SORBS2: variants seen among roughly 807,000 people sequenced by gnomAD.
SORBS2 encodes sorbin and SH3 domain containing 2.
In SORBS2, 46 loss-of-function variants were observed where a neutral mutation model predicts 97.7. That is an observed-to-expected ratio of 0.47 (90% CI 0.37 to 0.60). The LOEUF is 0.60. Ranked by LOEUF, SORBS2 falls within the 20% of genes least tolerant of loss-of-function variation. The probability of loss-of-function intolerance (pLI) is 0.00; values close to 1 mark genes in which losing one functional copy is unlikely to be tolerated. For synonymous variants in SORBS2, 476 were observed against 473.4 expected (o/e 1.01, Z -0.07); for missense variants, 1,316 against 1,282.3 (o/e 1.03, Z -0.40).
intron 1 of SORBS2, among the ~76,000 whole-genome samples, chr4:185,823,879 G>C (rs1212851898): frequency 6.6e-6 from 1 of 152,160 alleles, no homozygotes. Flanking sequence ...AAAAGGCCAA[G>C]CAGAGAAGCC....
chr4:185,640,203 A>G (rs1352001614), intron 4 of SORBS2, among the ~76,000 whole-genome samples: 1 of 152,224 alleles, frequency 6.6e-6, no homozygotes, highest in Non-Finnish European at 1.5e-5. Context: ...ATAATTATAA[A>G]GACTGTGTAG....
chr4:185,861,306 C>T (rs12508389), intron 1 of SORBS2, among the ~76,000 whole-genome samples: 8,413 of 129,700 alleles, frequency 0.065, 280 homozygotes, highest in East Asian at 0.13. Context: ...GAATGTCCTT[C>T]GCTGAAAATG....
At position 185,684,096 on chromosome 4, in the gene SORBS2, T is replaced by C. The variant is rs192464109; in HGVS notation, c.-197-5274A>G. On this transcript the variant is annotated intron_variant, in intron 2 of 20. Coordinates refer to the SORBS2 transcript ENST00000284776. This position sits in a 1 kb window ranked among gnomAD's most constrained non-coding sequence, Gnocchi z 4.2. ...TCTGGAGGCACTGGGCTTGCTGGCC[T>C]CCCTTTGACCTTCTAACAGCTGCAC... is the stretch of plus-strand genomic sequence containing the variant. 6.6e-6 allele frequency among the ~76,000 whole-genome samples: 1 copy of C among 152,250 alleles called. No individual in the cohort carries two copies. The highest frequency in any genetic ancestry group is 1.9e-4 in the East Asian group (1 of 5,178).
intron 2 of SORBS2, among the ~76,000 whole-genome samples, chr4:185,687,751 G>A (rs1407687318): frequency 6.6e-6 from 1 of 152,148 alleles, no homozygotes; most frequent in Non-Finnish European, 1.5e-5. Flanking sequence ...CTTTAATAAA[G>A]TTTAATAAAG....
At chr4:185,658,145 A>G (rs1208056140), upstream of SORBS2, among the ~76,000 whole-genome samples, 1 of 152,252 alleles carries the variant, frequency 6.6e-6, no homozygotes, top group Non-Finnish European at 1.5e-5. Context: ...ACTTAAAAAA[A>G]TCTTCACATC....
At chr4:185,781,513 A>G (rs1464722197) in intron 1 of SORBS2, among the ~76,000 whole-genome samples, 1 of 150,520 alleles carries the variant, frequency 6.6e-6, no homozygotes. Context: ...CCTCCCTTCC[A>G]TTGCCTCCCG....
upstream of SORBS2, among the ~76,000 whole-genome samples, chr4:185,658,159 G>A (rs1009748848): frequency 4.6e-5 from 7 of 152,034 alleles, no homozygotes; most frequent in Admixed American, 1.3e-4. Context: ...TCACATCCAA[G>A]CCTTTGGACA....
chr4:185,911,178 C>A (rs1457164411), intron 1 of SORBS2, among the ~76,000 whole-genome samples: 1 of 152,140 alleles, frequency 6.6e-6, no homozygotes, highest in East Asian at 1.9e-4. Flanking sequence ...ATAACATAAA[C>A]TTATCTCATA....
chr4:185,654,564 G>A (rs1279916630), intron 1 of SORBS2, among the ~76,000 whole-genome samples: 2 of 152,256 alleles, frequency 1.3e-5, no homozygotes, highest in East Asian at 1.9e-4. Context: ...TGAGCACAAA[G>A]ATGCCAGAAA....
At chr4:185,660,512 C>T (rs903464972), upstream of SORBS2, among the ~76,000 whole-genome samples, 1 of 152,264 alleles carries the variant, frequency 6.6e-6, no homozygotes, top group Non-Finnish European at 1.5e-5. Flanking sequence ...ATAGCATCAG[C>T]GAAGGCACAG....
intron 1 of SORBS2, among the ~76,000 whole-genome samples, chr4:185,868,512 T>C (rs1454288391): frequency 6.6e-6 from 1 of 152,012 alleles, no homozygotes; most frequent in Non-Finnish European, 1.5e-5. Flanking sequence ...GAAGGAGGGA[T>C]TAGTGCTAGG....
At chr4:185,618,597 G>T in exon 9 of SORBS2, 1 of 1,531,710 alleles carries the variant, frequency 6.5e-7, no homozygotes, top group South Asian at 1.3e-5. Context: ...AGATGTCTGA[G>T]CCTTAAAATC....
At chr4:185,847,959 C>T (rs538317934) in intron 1 of SORBS2, among the ~76,000 whole-genome samples, 1 of 152,258 alleles carries the variant, frequency 6.6e-6, no homozygotes, top group South Asian at 2.1e-4. Context: ...CATGCCGAGT[C>T]GCAGGGCTGA....
At chr4:185,599,335 T>C (rs1369423558) in intron 12 of SORBS2, among the ~76,000 whole-genome samples, 7 of 152,202 alleles carry the variant, frequency 4.6e-5, no homozygotes, top group Non-Finnish European at 7.3e-5. Flanking sequence ...TTAGAATTGA[T>C]AGTAAGTACC....
intron 13 of SORBS2, among the ~76,000 whole-genome samples, chr4:185,592,554 T>TTTTG (rs961046188): frequency 1.1e-4 from 17 of 152,172 alleles, no homozygotes; most frequent in South Asian, 8.3e-4. Context: ...TAAGCGATCT[T>TTTTG]TTTGTTTGTT....
At chr4:185,858,037 C>A (rs2099221603) in intron 1 of SORBS2, among the ~76,000 whole-genome samples, 1 of 152,166 alleles carries the variant, frequency 6.6e-6, no homozygotes, top group Non-Finnish European at 1.5e-5. Flanking sequence ...ACATCCCCTC[C>A]CTTTTCAAAA....
chr4:185,762,405 G>A (rs897883033), intron 2 of SORBS2, among the ~76,000 whole-genome samples: 6 of 152,066 alleles, frequency 3.9e-5, no homozygotes, highest in East Asian at 3.9e-4. Context: ...AGGGATTATC[G>A]TGAAGGAAGA....
chr4:185,668,010 T>C (rs2097646719), intron 4 of SORBS2, among the ~76,000 whole-genome samples: 1 of 152,166 alleles, frequency 6.6e-6, no homozygotes, highest in Non-Finnish European at 1.5e-5. Flanking sequence ...GATGTTTCCA[T>C]GTAATACGAA....
intron 1 of SORBS2, among the ~76,000 whole-genome samples, chr4:185,792,234 C>T (rs2099083367): frequency 1.3e-5 from 2 of 152,160 alleles, no homozygotes; most frequent in African/African-American, 4.8e-5. Flanking sequence ...GTGGCTTACG[C>T]CTATAATCCC....
Sources: gnomAD v4.1 joint callset for allele counts (sites outside exome capture counted in the v4.1 genomes callset) on GRCh38, gnomAD v4.1.1 for gene constraint, Gnocchi (gnomAD v3.1) non-coding constraint, MANE v1.5 for transcripts, NCBI Gene and HGNC (gene_info 2026-07-23, HGNC 2026-07-21) for gene names.